Variants in MROH1 observed in about 807,000 individuals in gnomAD.
The protein encoded by MROH1 is maestro heat-like repeat-containing protein family member 1.
MROH1 carries 117 observed loss-of-function variants against 116.5 expected under a neutral mutation model. That is an observed-to-expected ratio of 1.00 (90% CI 0.86 to 1.17). The LOEUF (loss-of-function observed/expected upper bound fraction) is 1.17, where lower values mean the gene tolerates loss of function less well. Among genes scored for constraint, MROH1 ranks in the 50% most tolerant of loss-of-function variants. MROH1 has a pLI of 0.00. For missense variants in MROH1, 1,873 were observed against 1,338.5 expected (o/e 1.40, Z -6.23); for synonymous variants, 921 against 583.9 (o/e 1.58, Z -8.32).
intron 5 of MROH1, 50 bp downstream of exon 5, chr8:144,179,636 G>A (rs1444938998): frequency 6.4e-7 from 1 of 1,561,238 alleles, no homozygotes; most frequent in African/African-American, 1.4e-5. Flanking sequence ...GCTTGGGAAG[G>A]GAAGCTGCTT....
In MROH1 at chr8:144,254,649, G is replaced by A. The variant is rs1588516772; in HGVS notation, c.3429-164G>A. ...CAGATCCCTGGAGTCAGGGGAAGGG[G>A]TGAGCTCAGATCTGAGGCCAAGAGG... On this transcript the variant is annotated intron_variant, in intron 33 of 43. Transcript: ENST00000326134. 4 of 597,580 alleles carry A rather than the reference G, an allele frequency of 6.7e-6. No homozygotes were observed. In the East Asian group the frequency reaches 1.1e-4, roughly 17 times the overall value. 37.0% of individuals were successfully genotyped at this position (597,580 alleles called of 1,614,324 possible).
intron 1 of MROH1, among the ~76,000 whole-genome samples, chr8:144,149,649 G>A (rs1702817720): frequency 6.6e-6 from 1 of 152,146 alleles, no homozygotes; most frequent in Admixed American, 6.5e-5. Flanking sequence ...CTCTGTCTGT[G>A]CCGGTCCACC....
rs537418291 is a variant in MROH1 at position 144,228,141 on chromosome 8, G to A, written c.1338+4911G>A. 5.3e-5 allele frequency among the ~76,000 whole-genome samples: 8 copies of A among 152,110 alleles called. No individual in the cohort carries two copies. In the South Asian group the frequency reaches 1.7e-3, roughly 32 times the overall value. ...TCCCAGCTGCTCAAGAGGCTGAGGT[G>A]GGAGGATTGCTTGAGCACAGGAGGC... On this transcript the variant is annotated intron_variant, in intron 14 of 43. Coordinates refer to ENST00000326134, the MANE Select transcript of MROH1 (RefSeq NM_032450.3).
At chr8:144,207,400 A>C (rs1374424718) in intron 12 of MROH1, among the ~76,000 whole-genome samples, 2 of 151,590 alleles carry the variant, frequency 1.3e-5, no homozygotes, top group Admixed American at 1.3e-4. Context: ...GTTGGCCAGG[A>C]TGGTCTTGAT....
chr8:144,152,797 T>G (rs1017304415), intron 1 of MROH1, among the ~76,000 whole-genome samples: 2 of 152,154 alleles, frequency 1.3e-5, no homozygotes, highest in Non-Finnish European at 2.9e-5. Flanking sequence ...TCTGCCCACC[T>G]CGGCCTCCCA....
At chr8:144,192,284 G>C in intron 9 of MROH1, 25 bp from the exon 10 acceptor site, 1 of 1,558,066 alleles carries the variant, frequency 6.4e-7, no homozygotes, top group Non-Finnish European at 8.7e-7. Context: ...TAGGACTGAC[G>C]GCCTCTTCTC....
chr8:144,171,425 T>C lies in MROH1; in HGVS notation c.168+2985T>C, dbSNP rs572737878. 1.4e-4 allele frequency among the ~76,000 whole-genome samples: 22 copies of C among 152,314 alleles called. 1 individual carries two copies. The South Asian group carries it at 4.4e-3, about 30-fold the overall frequency. On this transcript the variant is annotated intron_variant, in intron 4 of 43. Coordinates refer to ENST00000326134, the MANE Select transcript of MROH1 (RefSeq NM_032450.3). ...CTCCCGGGCCCTCCTGGGAACCACC[T>C]CCAGGCACCTGCGTGGGTTCCGCTA... is the stretch of plus-strand genomic sequence containing the variant.
intron 5 of MROH1, 75 bp downstream of exon 5, chr8:144,179,661 C>A: frequency 6.5e-7 from 1 of 1,534,716 alleles, no homozygotes; most frequent in Non-Finnish European, 8.8e-7. Flanking sequence ...GCCTTTCTAC[C>A]CAGCAGCCTT....
chr8:144,255,078 C>A (rs1231636346), intron 34 of MROH1, 100 bp downstream of exon 34: 1 of 640,160 alleles, frequency 1.6e-6, no homozygotes, highest in Non-Finnish European at 2.8e-6. Context: ...GGACGCCACC[C>A]CACAGGCACC....
chr8:144,249,078 G>A (rs1842397358), intron 32 of MROH1, 49 bp downstream of exon 32: 29 of 711,486 alleles, frequency 4.1e-5, no homozygotes, highest in South Asian at 4.0e-4. Context: ...GGTGGGAGAG[G>A]GCGCGGTGGG....
Position 144,243,589 on chromosome 8 carries a change from G to A in MROH1, c.2448G>A (p.Arg816=). The A allele has an allele frequency of 1.3e-6, 1 of 780,026 alleles. No homozygotes were observed. The highest frequency in any genetic ancestry group is 1.3e-5 in the South Asian group (1 of 74,616). The allele number at this position is 780,026 out of a possible 1,614,324, so 48.3% of individuals were successfully genotyped here. A position where few individuals can be genotyped will look rare whatever the true frequency, so the allele number is the denominator to read the frequency against. ...AGGCTGGCTCCTTCCACTTCACCCG[G>A]AAAGCAGAGCTGGTGGCACAGATGA... is the stretch of plus-strand genomic sequence containing the variant. ...STQAGSFHFT[R]KAELVAQMME... Residue 816 remains arginine, a synonymous_variant, in exon 25 of 44, where the codon CGG becomes CGA. Transcript: ENST00000326134.
intron 35 of MROH1, 60 bp from the exon 36 acceptor site, chr8:144,258,717 A>G (rs1213855748): frequency 1.4e-6 from 1 of 720,192 alleles, no homozygotes; most frequent in Non-Finnish European, 2.5e-6. Flanking sequence ...CTGAGGAGTT[A>G]ATCAGGAAGG....
At chr8:144,183,192 GCA>G (rs1052819025) in intron 7 of MROH1, among the ~76,000 whole-genome samples, 1 of 152,060 alleles carries the variant, frequency 6.6e-6, no homozygotes, top group African/African-American at 2.4e-5. Context: ...AGGCTGGGCA[GCA>G]TGGTGAGACC....
At chr8:144,193,539 T>C (rs1829133055) in intron 10 of MROH1, among the ~76,000 whole-genome samples, 1 of 152,208 alleles carries the variant, frequency 6.6e-6, no homozygotes, top group Admixed American at 6.5e-5. Flanking sequence ...AGACGTGAGG[T>C]TTTGCATAAA....
At position 144,242,249 on chromosome 8, in the gene MROH1, C is replaced by T. The variant is rs907761092; in HGVS notation, c.2179-120C>T. 92 of 772,008 alleles carry T rather than the reference C, an allele frequency of 1.2e-4. No homozygotes were observed. In the African/African-American group the frequency reaches 1.5e-3, roughly 12 times the overall value. 47.8% of individuals were successfully genotyped at this position (772,008 alleles called of 1,614,324 possible). A position where few individuals can be genotyped will look rare whatever the true frequency, so the allele number is the denominator to read the frequency against. On this transcript the variant is annotated intron_variant, in intron 22 of 43. Coordinates refer to ENST00000326134, the MANE Select transcript of MROH1 (RefSeq NM_032450.3). ...CGTGCACGGCTGGGTCACACCTCTG[C>T]TGTCACTGACTGGCTCTGGCCCTTC...
At chr8:144,235,763 A>G (rs987268086) in intron 14 of MROH1, among the ~76,000 whole-genome samples, 1 of 152,196 alleles carries the variant, frequency 6.6e-6, no homozygotes, top group African/African-American at 2.4e-5. Context: ...TTTCATGTCT[A>G]TGTAAGAGAT....
rs374029969 is a variant in MROH1 at position 144,172,284 on chromosome 8, A to G, written c.168+3844A>G. On this transcript the variant is annotated intron_variant, in intron 4 of 43. Coordinates refer to ENST00000326134, the MANE Select transcript of MROH1 (RefSeq NM_032450.3). Reference sequence around the variant, plus strand: ...TGAAAAGAGACATTTACTATCTATTATCTCTGAAGGCTGCTATCTGGAGGC... The same window carrying G: ...TGAAAAGAGACATTTACTATCTATTGTCTCTGAAGGCTGCTATCTGGAGGC... Among the ~76,000 whole-genome samples, 65 of 152,274 alleles carry G rather than the reference A, an allele frequency of 4.3e-4. No individual in the cohort carries two copies. The East Asian group carries it at 7.9e-3, about 19-fold the overall frequency.
chr8:144,200,719 C>T (rs1265518119), intron 12 of MROH1, 178 bp downstream of exon 12: 1 of 593,624 alleles, frequency 1.7e-6, no homozygotes, highest in Non-Finnish European at 3.0e-6. Flanking sequence ...AAGGGTGGTA[C>T]CTTTCTACCC....
In MROH1 at chr8:144,260,417, T is replaced by G; in HGVS notation, c.4380+43T>G. ...GGGGGAGGGAAGAGGGCCCCAGCCCTTCCTGCCTCTTACTCTGAGCTTTAG... is the reference window on the plus strand; with the variant it reads ...GGGGGAGGGAAGAGGGCCCCAGCCCGTCCTGCCTCTTACTCTGAGCTTTAG... On this transcript the variant is annotated intron_variant, in intron 39 of 43. Coordinates refer to ENST00000326134, the MANE Select transcript of MROH1 (RefSeq NM_032450.3). 2.0e-5 allele frequency: 14 copies of G among 702,180 alleles called. No homozygotes were observed. The South Asian group carries it at 2.1e-4, about 10-fold the overall frequency. The allele number at this position is 702,180 out of a possible 1,614,324, so 43.5% of individuals were successfully genotyped here.
Sources: gnomAD v4.1 joint callset for allele counts (sites outside exome capture counted in the v4.1 genomes callset) on GRCh38, gnomAD v4.1.1 for gene constraint, MANE v1.5 for transcripts, NCBI Gene and HGNC (gene_info 2026-07-23, HGNC 2026-07-21) for gene names.